The following PDE4C variants were observed in gnomAD, a reference collection of about 807,000 sequenced individuals.
The protein encoded by PDE4C is 3',5'-cyclic-AMP phosphodiesterase 4C.
Under a neutral mutation model 63.9 loss-of-function variants are expected in PDE4C, and 50 were observed. That is an observed-to-expected ratio of 0.78 (90% CI 0.62 to 0.99). PDE4C has a LOEUF of 0.99. PDE4C is among the 50% of genes least tolerant of loss of function. The pLI is 0.00. For missense variants in PDE4C, 777 were observed against 899.1 expected (o/e 0.86, Z 1.74); for synonymous variants, 377 against 385.1 (o/e 0.98, Z 0.25).
chr19:18,241,216 TTTTCTTTTTTCTTTTCTTTC>T (rs1262239511), intron 1 of PDE4C, among the ~76,000 whole-genome samples: 14 of 151,228 alleles, frequency 9.3e-5, no homozygotes, highest in African/African-American at 3.2e-4. Context: ...CAGCTGCTCA[TTTTCTTTTTTCTTTTCTTTC>T]TTTCTTTTTT....
At chr19:18,229,484 G>A (rs141427463), upstream of PDE4C, among the ~76,000 whole-genome samples, 2,154 of 151,998 alleles carry the variant, frequency 0.014, 57 homozygotes, top group African/African-American at 0.049. Flanking sequence ...CAGGTGATCC[G>A]TCTGCCTCAG....
exon 1 of PDE4C, chr19:18,226,353 G>A (rs748723341): frequency 2.6e-6 from 4 of 1,520,424 alleles, no homozygotes; most frequent in Admixed American, 4.3e-5. Context: ...CGGGGGAGCC[G>A]CGCGGGGATC....
intron 1 of PDE4C, 65 bp from the exon 2 acceptor site, chr19:18,222,388 C>A: frequency 1.4e-6 from 2 of 1,478,988 alleles, no homozygotes; most frequent in East Asian, 2.3e-5. Flanking sequence ...GTCGTGGCCA[C>A]CTTGTCTGGT....
chr19:18,232,854 C>T, intron 1 of PDE4C: 3 of 1,329,642 alleles, frequency 2.3e-6, no homozygotes, highest in East Asian at 5.5e-5. Context: ...AGCAGAGACC[C>T]CCGCCCCCTG....
At chr19:18,210,775 C>G (rs1004971094) in exon 15 of PDE4C, 11 of 1,346,496 alleles carry the variant, frequency 8.2e-6, no homozygotes, top group Non-Finnish European at 1.1e-5. Flanking sequence ...CAATTAGACC[C>G]TGGGAGCCAC....
intron 1 of PDE4C, among the ~76,000 whole-genome samples, chr19:18,223,315 AT>A (rs1447797875): frequency 6.6e-6 from 1 of 151,672 alleles, no homozygotes; most frequent in Non-Finnish European, 1.5e-5. Context: ...GGTTCAAGCA[AT>A]TCTCCTGCCT....
At chr19:18,222,418 T>C (rs1369994761) in intron 1 of PDE4C, 95 bp from the exon 2 acceptor site, 3 of 1,155,308 alleles carry the variant, frequency 2.6e-6, no homozygotes, top group Non-Finnish European at 3.7e-6. Flanking sequence ...CTGGGGCTGC[T>C]TGGCAGTCAG....
chr19:18,233,273 C>T (rs1968889725), exon 1 of PDE4C: 1 of 1,532,436 alleles, frequency 6.5e-7, no homozygotes, highest in Admixed American at 2.0e-5. Context: ...GCTCCCGGGT[C>T]CGGCCCAGGG....
At chr19:18,218,234 G>A in exon 11 of PDE4C, 1 of 1,614,244 alleles carries the variant, frequency 6.2e-7, no homozygotes, top group Non-Finnish European at 8.5e-7. Flanking sequence ...GGATTTCCAA[G>A]TCTGTGAACA....
upstream of PDE4C, chr19:18,233,728 G>A (rs1968900508): frequency 3.0e-6 from 1 of 337,588 alleles, no homozygotes; most frequent in East Asian, 8.5e-5. Flanking sequence ...TGGTGCTGAA[G>A]GCAGGGGAGG....
At chr19:18,245,649 C>T (rs1432231071) in intron 1 of PDE4C, among the ~76,000 whole-genome samples, 2 of 152,136 alleles carry the variant, frequency 1.3e-5, no homozygotes, top group Non-Finnish European at 2.9e-5. Flanking sequence ...ACTCACCCAA[C>T]CCCACATTTT....
upstream of PDE4C, among the ~76,000 whole-genome samples, chr19:18,249,205 G>A (rs1016405069): frequency 6.6e-6 from 1 of 152,034 alleles, no homozygotes; most frequent in Non-Finnish European, 1.5e-5. Flanking sequence ...CCAAGCTCAA[G>A]CAATTCACCC....
chr19:18,249,577 A>ATTTTTT (rs71164388), upstream of PDE4C, among the ~76,000 whole-genome samples: 52 of 139,846 alleles, frequency 3.7e-4, no homozygotes, highest in African/African-American at 1.3e-3. Flanking sequence ...GCCTGGCCCT[A>ATTTTTT]TTTTTTTTTT....
chr19:18,253,550 CA>C, the PDE4C span, among the ~76,000 whole-genome samples: 4 of 123,752 alleles, frequency 3.2e-5, no homozygotes, highest in African/African-American at 5.4e-5. Flanking sequence ...GACTCCGTCT[CA>C]AAAAAAAAAA....
At chr19:18,243,892 T>C (rs1969086194) in intron 1 of PDE4C, among the ~76,000 whole-genome samples, 1 of 152,164 alleles carries the variant, frequency 6.6e-6, no homozygotes, top group Non-Finnish European at 1.5e-5. Context: ...TCTCACTCTG[T>C]TGCCCAGGCT....
chr19:18,210,018 C>T (rs958820367), downstream of PDE4C: 3 of 151,360 alleles, frequency 2.0e-5, no homozygotes, highest in African/African-American at 7.3e-5. Context: ...CTTTCCTTTC[C>T]TTCTCTTTTC....
Position 18,221,085 on chromosome 19 carries a change from CCGCCCCGCCCTCTA to C in PDE4C, c.449+6_449+19del. 7.0e-7 allele frequency: 1 copy of C among 1,435,908 alleles called. No individual in the cohort carries two copies. Among genetic ancestry groups the C allele is most frequent in the Non-Finnish European group, 9.6e-7 (1 of 1,044,188 alleles). The allele number at this position is 1,435,908 out of a possible 1,614,324, so 88.9% of individuals were successfully genotyped here. ...TGTCTCTGCCGGCCCCGCCCCCGCC[CCGCCCCGCCCTCTA>C]CCTACTTGGCTGCTCCTAGGCATTG... On this transcript the variant is annotated splice_donor_region_variant and intron_variant, in intron 4 of 14. Transcript: ENST00000262805.
exon 14 of PDE4C, chr19:18,211,835 C>G: frequency 6.2e-7 from 1 of 1,614,260 alleles, no homozygotes; most frequent in South Asian, 1.1e-5. Context: ...CTCGCGGTCT[C>G]CCTGCTGGAA....
At chr19:18,234,998 G>C (rs1268989687), upstream of PDE4C, among the ~76,000 whole-genome samples, 1 of 152,092 alleles carries the variant, frequency 6.6e-6, no homozygotes, top group Non-Finnish European at 1.5e-5. Flanking sequence ...CCCTCCCAAA[G>C]TCTTTTTTTA....
Sources: gnomAD v4.1 joint callset for allele counts (sites outside exome capture counted in the v4.1 genomes callset) on GRCh38, gnomAD v4.1.1 for gene constraint, MANE v1.5 for transcripts, NCBI Gene and HGNC (gene_info 2026-07-23, HGNC 2026-07-21) for gene names.